EPB41L4B: variants seen among roughly 807,000 people sequenced by gnomAD.
The protein encoded by EPB41L4B is band 4.1-like protein 4B.
A neutral mutation model predicts 112.5 loss-of-function variants in EPB41L4B; 30 were observed. The observed-to-expected ratio is 0.27, with a 90% CI of 0.20 to 0.36. EPB41L4B has a LOEUF of 0.36. Among genes scored for constraint, EPB41L4B ranks in the 10% least tolerant of loss-of-function variants. EPB41L4B has a pLI of 1.00. For synonymous variants in EPB41L4B, 408 were observed against 439.7 expected, an observed-to-expected ratio of 0.93 and a Z score of 0.90; for missense variants, 1,024 against 1,133.3, an observed-to-expected ratio of 0.90 and a Z score of 1.38.
At chr9:109,207,867 G>A in intron 18 of EPB41L4B, 57 bp downstream of exon 18, 1 of 1,607,178 alleles carries the variant, frequency 6.2e-7, no homozygotes, top group Admixed American at 1.7e-5. Flanking sequence ...TTTCTTCTCT[G>A]TGGCATCGAG....
intron 1 of EPB41L4B, among the ~76,000 whole-genome samples, chr9:109,319,133 G>C (rs956946672): frequency 6.6e-6 from 1 of 152,240 alleles, no homozygotes; most frequent in South Asian, 2.1e-4. Flanking sequence ...CGAAGGCACC[G>C]TCTGCCGCAG....
chr9:109,207,826 C>T (rs1833035960), intron 18 of EPB41L4B, 98 bp downstream of exon 18: 10 of 1,483,510 alleles, frequency 6.7e-6, no homozygotes, highest in East Asian at 2.3e-5. Context: ...TGGACCCTGA[C>T]TGACACAGCA....
chr9:109,309,675 G>A (rs2119258594), intron 1 of EPB41L4B, among the ~76,000 whole-genome samples: 1 of 152,206 alleles, frequency 6.6e-6, no homozygotes, highest in Admixed American at 6.5e-5. Flanking sequence ...TGAGATGGGA[G>A]AATTGCTTGA....
intron 1 of EPB41L4B, among the ~76,000 whole-genome samples, chr9:109,295,752 T>C (rs1836711661): frequency 6.6e-6 from 1 of 151,930 alleles, no homozygotes; most frequent in South Asian, 2.1e-4. Flanking sequence ...GAACCAAATA[T>C]GCAACACCAA....
intron 14 of EPB41L4B, among the ~76,000 whole-genome samples, chr9:109,245,864 C>T (rs1834535170): frequency 6.6e-6 from 1 of 152,182 alleles, no homozygotes; most frequent in South Asian, 2.1e-4. Context: ...GATAACAATG[C>T]CTAGATGAGT....
intron 25 of EPB41L4B, among the ~76,000 whole-genome samples, chr9:109,176,159 ACT>A (rs1404983542): frequency 2.7e-5 from 4 of 148,238 alleles, no homozygotes; most frequent in African/African-American, 1.0e-4. Flanking sequence ...GCAAAGTCTC[ACT>A]CTGTTGCCCA....
At chr9:109,189,989 GCAGTGGCGT>G (rs1400093400) in intron 22 of EPB41L4B, among the ~76,000 whole-genome samples, 1 of 152,128 alleles carries the variant, frequency 6.6e-6, no homozygotes, top group Non-Finnish European at 1.5e-5. Context: ...AGGCTGGAAT[GCAGTGGCGT>G]GACCCTGGCT....
At chr9:109,303,997 G>A (rs1837078074) in intron 1 of EPB41L4B, among the ~76,000 whole-genome samples, 1 of 152,106 alleles carries the variant, frequency 6.6e-6, no homozygotes, top group Non-Finnish European at 1.5e-5. Flanking sequence ...ATTTTTAAAG[G>A]GAAAAGAATG....
In EPB41L4B at chr9:109,320,196, G is replaced by A. The variant is rs1157042122; in HGVS notation, c.251C>T (p.Thr84Ile). Reference sequence around the variant, plus strand: ...GAGCAGGAAGACGCGGCAGTAGAGGGTGGCCTTGGCGGCGCCGGCGGCGGA... The same window carrying A: ...GAGCAGGAAGACGCGGCAGTAGAGGATGGCCTTGGCGGCGCCGGCGGCGGA... ...HISAAGAAKA[T>I]LYCRVFLLDG... is the part of the protein sequence containing the mutation. Residue 84 changes from threonine (T) to isoleucine (I), a missense_variant, in exon 1 of 26, where the codon ACC becomes ATC. Coordinates refer to ENST00000374566, the MANE Select transcript of EPB41L4B (RefSeq NM_019114.5). The A allele has an allele frequency of 5.5e-6, 8 of 1,455,786 alleles. No homozygotes were observed. The East Asian group carries it at 2.1e-4, about 38-fold the overall frequency. 90.2% of individuals were successfully genotyped at this position (1,455,786 alleles called of 1,614,324 possible). A position where few individuals can be genotyped will look rare whatever the true frequency, so the allele number is the denominator to read the frequency against.
At chr9:109,319,110 AC>A (rs959461121) in intron 1 of EPB41L4B, among the ~76,000 whole-genome samples, 16 of 152,350 alleles carry the variant, frequency 1.1e-4, no homozygotes, top group Admixed American at 9.1e-4. Context: ...CCTCAGTCAC[AC>A]CCAGAAATTC....
intron 15 of EPB41L4B, among the ~76,000 whole-genome samples, chr9:109,227,742 C>T (rs970747972): frequency 6.6e-6 from 1 of 152,008 alleles, no homozygotes. Flanking sequence ...TCACCATGCC[C>T]AGCTAATTTT....
chr9:109,265,389 T>C (rs1835365005), intron 4 of EPB41L4B, among the ~76,000 whole-genome samples: 1 of 152,128 alleles, frequency 6.6e-6, no homozygotes, highest in Non-Finnish European at 1.5e-5. Flanking sequence ...GGCCGCGGGG[T>C]CTGGCTCTCA....
At chr9:109,216,133 C>T (rs1374061249) in intron 16 of EPB41L4B, among the ~76,000 whole-genome samples, 1 of 152,200 alleles carries the variant, frequency 6.6e-6, no homozygotes, top group African/African-American at 2.4e-5. Context: ...GAAAGTCCAG[C>T]CATCACTCCC....
intron 1 of EPB41L4B, among the ~76,000 whole-genome samples, chr9:109,319,499 A>C (rs1196956403): frequency 6.6e-6 from 1 of 152,158 alleles, no homozygotes; most frequent in East Asian, 1.9e-4. Context: ...GTTAGCTCCC[A>C]AGTCACCCTA....
rs1205069754 is a variant in EPB41L4B at position 109,320,375 on chromosome 9, G to A, written c.72C>T (p.Arg24=). 99 of 980,586 alleles carry A rather than the reference G, an allele frequency of 1.0e-4. No individual in the cohort carries two copies. The highest frequency in any genetic ancestry group is 1.2e-4 in the Non-Finnish European group (96 of 828,244). The allele number at this position is 980,586 out of a possible 1,614,324, so 60.7% of individuals were successfully genotyped here. A position where few individuals can be genotyped will look rare whatever the true frequency, so the allele number is the denominator to read the frequency against. ...GCTCGTCCCCCAGCCCGGCGGCCCCGCGCCCCGCCGCGCCCCGCGCGTAGC... is the reference window on the plus strand; with the variant it reads ...GCTCGTCCCCCAGCCCGGCGGCCCCACGCCCCGCCGCGCCCCGCGCGTAGC... ...MQRYARGAAG[R]GAAGLGDERD... is the part of the protein sequence containing the mutation. Residue 24 remains arginine, a synonymous_variant, in exon 1 of 26, where the codon CGC becomes CGT. Transcript: ENST00000374566.
chr9:109,245,954 G>A (rs1588167305), intron 14 of EPB41L4B, among the ~76,000 whole-genome samples: 2 of 152,346 alleles, frequency 1.3e-5, no homozygotes, highest in East Asian at 1.9e-4. Context: ...TACAGGCTAT[G>A]CGGAGAGGGC....
chr9:109,315,341 G>A (rs1296566964), intron 1 of EPB41L4B, among the ~76,000 whole-genome samples: 1 of 152,040 alleles, frequency 6.6e-6, no homozygotes, highest in Non-Finnish European at 1.5e-5. Flanking sequence ...CTGATATACT[G>A]AATCAAGAAA....
intron 17 of EPB41L4B, among the ~76,000 whole-genome samples, chr9:109,211,635 T>C (rs1833178307): frequency 6.6e-6 from 1 of 150,872 alleles, no homozygotes. Context: ...ATATATTTTG[T>C]GTGTGTGTGT....
chr9:109,251,579 A>T lies in EPB41L4B; in HGVS notation c.1280-68T>A. On this transcript the variant is annotated intron_variant, in intron 12 of 25. Coordinates refer to ENST00000374566, the MANE Select transcript of EPB41L4B (RefSeq NM_019114.5). The stretch of plus-strand genomic sequence containing the variant: ...TATCGCTTTCACCATGCAATGACAG[A>T]TAATGGCCATGCGAGACTTCTACCA... 2.1e-6 allele frequency: 3 copies of T among 1,405,284 alleles called. No individual in the cohort carries two copies. In the South Asian group the frequency reaches 3.4e-5, roughly 16 times the overall value. 87.1% of individuals were successfully genotyped at this position (1,405,284 alleles called of 1,614,324 possible).
Sources: gnomAD v4.1 joint callset for allele counts (sites outside exome capture counted in the v4.1 genomes callset) on GRCh38, gnomAD v4.1.1 for gene constraint, MANE v1.5 for transcripts, NCBI Gene and HGNC (gene_info 2026-07-23, HGNC 2026-07-21) for gene names.